Variants in SORBS2 observed in about 807,000 individuals in gnomAD.
SORBS2 encodes the protein sorbin and SH3 domain-containing protein 2.
In SORBS2, 46 loss-of-function variants were observed where a neutral mutation model predicts 97.7. That is an observed-to-expected ratio of 0.47 (90% CI 0.37 to 0.60). SORBS2 has a LOEUF of 0.60. Among genes scored for constraint, SORBS2 ranks in the 20% least tolerant of loss-of-function variants. SORBS2 has a pLI of 0.00. For missense variants in SORBS2, 1,316 were observed against 1,282.3 expected (o/e 1.03, Z -0.40); for synonymous variants, 476 against 473.4 (o/e 1.01, Z -0.07).
intron 1 of SORBS2, among the ~76,000 whole-genome samples, chr4:185,847,414 G>C (rs2099215175): frequency 6.6e-6 from 1 of 152,098 alleles, no homozygotes; most frequent in Non-Finnish European, 1.5e-5. Flanking sequence ...TGACTGCTGA[G>C]TGCCGAAATG....
chr4:185,678,716 G>T, intron 3 of SORBS2, 80 bp downstream of exon 6: 2 of 1,160,902 alleles, frequency 1.7e-6, no homozygotes, highest in South Asian at 3.2e-5. Flanking sequence ...AATTTAACAT[G>T]AAGTCAGCGA....
At chr4:185,734,249 G>A (rs1365926296) in intron 2 of SORBS2, 95 bp from the exon 3 acceptor site, 1 of 152,422 alleles carries the variant, frequency 6.6e-6, no homozygotes. Flanking sequence ...TGAGGACAAC[G>A]TTATCATCAT....
At chr4:185,945,502 T>A (rs1384392759) in intron 1 of SORBS2, among the ~76,000 whole-genome samples, 1 of 152,236 alleles carries the variant, frequency 6.6e-6, no homozygotes, top group Non-Finnish European at 1.5e-5. Context: ...TATTTCCCGA[T>A]CATTGCACAA....
At chr4:185,775,364 T>A (rs2098994618) in exon 2 of SORBS2, 1 of 152,574 alleles carries the variant, frequency 6.6e-6, no homozygotes, top group South Asian at 2.1e-4. Flanking sequence ...CCAATCCAAG[T>A]GTCTGAAGGA....
intron 1 of SORBS2, among the ~76,000 whole-genome samples, chr4:185,859,334 G>T (rs932967281): frequency 9.2e-5 from 14 of 152,064 alleles, no homozygotes; most frequent in African/African-American, 3.1e-4. Context: ...TTTCAGCAGA[G>T]CATACCTTAT....
intron 12 of SORBS2, among the ~76,000 whole-genome samples, chr4:185,605,448 A>C (rs2096388846): frequency 6.6e-6 from 1 of 151,274 alleles, no homozygotes; most frequent in South Asian, 2.1e-4. Context: ...ATGTCTGACT[A>C]ATTTTTGTAT....
intron 2 of SORBS2, among the ~76,000 whole-genome samples, chr4:185,651,087 T>C (rs550425282): frequency 2.0e-4 from 30 of 152,238 alleles, no homozygotes; most frequent in African/African-American, 6.7e-4. Context: ...AAAAAATAGT[T>C]GTGCACCTGT....
intron 2 of SORBS2, among the ~76,000 whole-genome samples, chr4:185,732,451 G>A (rs1023499261): frequency 1.3e-5 from 2 of 152,188 alleles, no homozygotes; most frequent in African/African-American, 2.4e-5. Context: ...ATTTCTCAGG[G>A]AGACCAAAGT....
chr4:185,627,813 G>T (rs577726712), intron 5 of SORBS2, among the ~76,000 whole-genome samples: 76 of 152,210 alleles, frequency 5.0e-4, no homozygotes, highest in African/African-American at 1.7e-3. Flanking sequence ...GCCATAAAAA[G>T]CTTCTGTCCT....
intron 1 of SORBS2, among the ~76,000 whole-genome samples, chr4:185,924,490 T>C (rs2099262539): frequency 6.6e-6 from 1 of 152,244 alleles, no homozygotes; most frequent in South Asian, 2.1e-4. Flanking sequence ...TATGCAAATG[T>C]ACGCCATTAG....
chr4:185,765,821 CT>C (rs2098931370), intron 2 of SORBS2, among the ~76,000 whole-genome samples: 1 of 152,122 alleles, frequency 6.6e-6, no homozygotes, highest in African/African-American at 2.4e-5. Context: ...CTGAATTTAC[CT>C]TTTCACTCGG....
intron 2 of SORBS2, among the ~76,000 whole-genome samples, chr4:185,732,727 G>T (rs986444250): frequency 6.6e-6 from 1 of 152,198 alleles, no homozygotes; most frequent in African/African-American, 2.4e-5. Flanking sequence ...CGGGCAAGTG[G>T]TGTTCCCCAA....
At chr4:185,721,507 G>T (rs1204929793) in intron 2 of SORBS2, among the ~76,000 whole-genome samples, 1 of 152,156 alleles carries the variant, frequency 6.6e-6, no homozygotes, top group Non-Finnish European at 1.5e-5. Flanking sequence ...AGCCCCTGAA[G>T]CTTCTGCAGG....
intron 2 of SORBS2, among the ~76,000 whole-genome samples, chr4:185,766,337 C>T (rs184263679): frequency 1.3e-5 from 2 of 152,252 alleles, no homozygotes; most frequent in East Asian, 1.9e-4. Context: ...CTCATCTCAC[C>T]GTACATTTAG....
At chr4:185,795,759 A>C (rs756133423) in intron 1 of SORBS2, among the ~76,000 whole-genome samples, 6 of 152,186 alleles carry the variant, frequency 3.9e-5, no homozygotes, top group Admixed American at 1.3e-4. Flanking sequence ...ATTGGTCTAG[A>C]CATTTTTTTT....
intron 1 of SORBS2, among the ~76,000 whole-genome samples, chr4:185,925,597 A>G (rs567270572): frequency 3.9e-5 from 6 of 152,320 alleles, no homozygotes; most frequent in Admixed American, 2.6e-4. Context: ...AAAAAGATAC[A>G]TTTTGGAAAT....
chr4:185,704,723 A>C (rs2098317531), intron 2 of SORBS2, among the ~76,000 whole-genome samples: 1 of 152,126 alleles, frequency 6.6e-6, no homozygotes, highest in African/African-American at 2.4e-5. Flanking sequence ...TGTTTTGAGA[A>C]ATAAGACAAG....
At chr4:185,919,080 T>G (rs1382657165) in intron 1 of SORBS2, among the ~76,000 whole-genome samples, 3 of 152,306 alleles carry the variant, frequency 2.0e-5, no homozygotes, top group African/African-American at 7.2e-5. Context: ...CAAGGGACAC[T>G]GGGAACTCAG....
chr4:185,932,731 C>T (rs953552270), intron 1 of SORBS2, among the ~76,000 whole-genome samples: 3 of 133,714 alleles, frequency 2.2e-5, no homozygotes, highest in Non-Finnish European at 5.2e-5. Flanking sequence ...GCGGATGAGC[C>T]CCCCTGGGGC....
Sources: allele counts gnomAD v4.1 joint callset (sites outside exome capture counted in the v4.1 genomes callset), GRCh38; gene constraint gnomAD v4.1.1; transcripts MANE v1.5; gene names NCBI Gene and HGNC (gene_info 2026-07-23, HGNC 2026-07-21).